The following HS2ST1 variants were observed in gnomAD, a reference collection of about 807,000 sequenced individuals.
HS2ST1 encodes the protein 2-O-sulfotransferase.
HS2ST1 carries 18 observed loss-of-function variants against 42.9 expected under a neutral mutation model. The ratio of observed to expected loss-of-function variants is 0.42; its 90% CI spans 0.29 to 0.62. The LOEUF (loss-of-function observed/expected upper bound fraction) is 0.62, where lower values mean the gene tolerates loss of function less well. Ranked by LOEUF, HS2ST1 falls within the 20% of genes least tolerant of loss-of-function variation. The probability of loss-of-function intolerance (pLI) is 0.21; values close to 1 mark genes in which losing one functional copy is unlikely to be tolerated. For synonymous variants in HS2ST1, 146 were observed against 152.9 expected (o/e 0.95, Z 0.33); for missense variants, 334 against 433.8 (o/e 0.77, Z 2.04).
intron 1 of HS2ST1, among the ~76,000 whole-genome samples, chr1:86,983,240 TG>T (rs1208391486): frequency 6.6e-6 from 1 of 152,238 alleles, no homozygotes; most frequent in Non-Finnish European, 1.5e-5. Context: ...AACAATTTTC[TG>T]TATCAGTCTG....
intron 1 of HS2ST1, among the ~76,000 whole-genome samples, chr1:87,015,059 TG>T (rs1649710816): frequency 6.6e-6 from 1 of 152,026 alleles, no homozygotes; most frequent in South Asian, 2.1e-4. Flanking sequence ...TTTGTTTGTT[TG>T]TTTGTTTGAG....
At chr1:86,928,231 G>T (rs1407132) in intron 1 of HS2ST1, among the ~76,000 whole-genome samples, 47,139 of 151,744 alleles carry the variant, frequency 0.31, 9,930 homozygotes, top group African/African-American at 0.6. Flanking sequence ...GGACATTATC[G>T]TAAGTTTTCA....
chr1:86,989,674 A>C (rs1177649989), intron 1 of HS2ST1, among the ~76,000 whole-genome samples: 1 of 152,092 alleles, frequency 6.6e-6, no homozygotes, highest in Non-Finnish European at 1.5e-5. Flanking sequence ...GCACCCATCA[A>C]CCTGTCATCT....
intron 1 of HS2ST1, among the ~76,000 whole-genome samples, chr1:87,005,959 T>C (rs530073219): frequency 6.6e-6 from 1 of 152,208 alleles, no homozygotes; most frequent in South Asian, 2.1e-4. Context: ...CATTTTTGAG[T>C]GAAAAGAAAG....
chr1:87,019,010 T>C (rs1424079869), intron 1 of HS2ST1, among the ~76,000 whole-genome samples: 1 of 152,222 alleles, frequency 6.6e-6, no homozygotes, highest in East Asian at 1.9e-4. Context: ...TGAGCACATG[T>C]GTCTGGAATA....
chr1:87,005,176 T>C (rs1445192017), intron 1 of HS2ST1, among the ~76,000 whole-genome samples: 1 of 152,208 alleles, frequency 6.6e-6, no homozygotes, highest in Non-Finnish European at 1.5e-5. Context: ...GAAGGGTTGC[T>C]TATCATAGTG....
chr1:87,105,629 C>A lies in HS2ST1; in HGVS notation c.*933C>A, dbSNP rs933117727. 1.3e-5 allele frequency: 2 copies of A among 152,410 alleles called. No homozygotes were observed. Among genetic ancestry groups the A allele is most frequent in the Middle Eastern group, 3.2e-3 (1 of 316 alleles). The allele number at this position is 152,410 out of a possible 1,614,324, so 9.4% of individuals were successfully genotyped here. On this transcript the variant is annotated 3_prime_UTR_variant, in exon 7 of 7. Coordinates refer to ENST00000370550, the MANE Select transcript of HS2ST1 (RefSeq NM_012262.4). The stretch of plus-strand genomic sequence containing the variant: ...CTTTATAATGTGTTTTAAAGCATTG[C>A]ATTTACAAAACAAGGAAAATGCTGT...
chr1:87,001,185 A>T (rs1003522378), intron 1 of HS2ST1, among the ~76,000 whole-genome samples: 2 of 152,220 alleles, frequency 1.3e-5, no homozygotes, highest in Non-Finnish European at 2.9e-5. Flanking sequence ...TCAGGAGAAG[A>T]GAGGTGCTGT....
At chr1:86,993,085 C>A (rs1428476763) in intron 1 of HS2ST1, 1 of 1,597,028 alleles carries the variant, frequency 6.3e-7, no homozygotes, top group Non-Finnish European at 8.5e-7. Flanking sequence ...CCTGTACATG[C>A]TGTTTATCAA....
intron 1 of HS2ST1, chr1:86,993,188 T>C: frequency 6.4e-7 from 1 of 1,552,512 alleles, no homozygotes; most frequent in Non-Finnish European, 8.7e-7. Flanking sequence ...TTTCAAAAGC[T>C]TTTAAATCCC....
chr1:87,049,504 CTTTTTG>C (rs1650780672), intron 1 of HS2ST1, among the ~76,000 whole-genome samples: 1 of 151,710 alleles, frequency 6.6e-6, no homozygotes, highest in South Asian at 2.1e-4. Context: ...TTCTACTTTC[CTTTTTG>C]TTTTTTTCTT....
At chr1:86,927,699 T>G (rs764068143) in intron 1 of HS2ST1, among the ~76,000 whole-genome samples, 1 of 152,146 alleles carries the variant, frequency 6.6e-6, no homozygotes, top group African/African-American at 2.4e-5. Context: ...TTGCTTGGTA[T>G]GGTTAAGGAT....
chr1:86,963,313 G>A (rs1008113453), intron 1 of HS2ST1, among the ~76,000 whole-genome samples: 3 of 152,160 alleles, frequency 2.0e-5, no homozygotes, highest in Admixed American at 6.5e-5. Flanking sequence ...GCGGCCTACC[G>A]CAGTGTTTGT....
At chr1:86,960,559 A>G (rs1374328599) in intron 1 of HS2ST1, among the ~76,000 whole-genome samples, 2 of 152,232 alleles carry the variant, frequency 1.3e-5, no homozygotes, top group Non-Finnish European at 2.9e-5. Context: ...CTGGCATCCA[A>G]AAATATTCAG....
At chr1:86,948,212 G>T (rs1402651552) in intron 1 of HS2ST1, among the ~76,000 whole-genome samples, 2 of 152,164 alleles carry the variant, frequency 1.3e-5, no homozygotes, top group African/African-American at 4.8e-5. Context: ...GGTTTAGAAT[G>T]CTACAGTATA....
intron 1 of HS2ST1, among the ~76,000 whole-genome samples, chr1:86,944,956 C>G (rs961810695): frequency 6.6e-6 from 1 of 151,668 alleles, no homozygotes; most frequent in African/African-American, 2.4e-5. Context: ...ATTCCTTTGG[C>G]CTATTTCTAA....
At chr1:86,983,981 G>A (rs1648679257) in intron 1 of HS2ST1, among the ~76,000 whole-genome samples, 1 of 152,002 alleles carries the variant, frequency 6.6e-6, no homozygotes, top group Non-Finnish European at 1.5e-5. Flanking sequence ...CAAAGGTTGT[G>A]GTGAGCTGAG....
intron 1 of HS2ST1, among the ~76,000 whole-genome samples, chr1:87,069,068 A>T (rs1651333778): frequency 1.3e-5 from 2 of 152,180 alleles, no homozygotes; most frequent in South Asian, 4.1e-4. Flanking sequence ...CATCCTCATC[A>T]TCTTCACACT....
At chr1:87,034,505 C>T (rs750935883) in intron 1 of HS2ST1, among the ~76,000 whole-genome samples, 1 of 152,054 alleles carries the variant, frequency 6.6e-6, no homozygotes, top group Non-Finnish European at 1.5e-5. Context: ...TAAAATTACC[C>T]TTGTTTTGTA....
Sources: gnomAD v4.1 joint callset for allele counts (sites outside exome capture counted in the v4.1 genomes callset) on GRCh38, gnomAD v4.1.1 for gene constraint, MANE v1.5 for transcripts, NCBI Gene and HGNC (gene_info 2026-07-23, HGNC 2026-07-21) for gene names.